The following CSMD1 variants were observed in gnomAD, a reference collection of about 807,000 sequenced individuals.
CSMD1 encodes CUB and Sushi multiple domains 1, also known as CUB and sushi domain-containing protein 1.
A neutral mutation model predicts 417.5 loss-of-function variants in CSMD1; 213 were observed. The observed-to-expected ratio is 0.51, with a 90% CI of 0.46 to 0.57. The LOEUF (loss-of-function observed/expected upper bound fraction) is 0.57. Ranked by LOEUF, CSMD1 falls within the 20% of genes least tolerant of loss-of-function variation. The pLI, the probability that CSMD1 is intolerant of heterozygous loss-of-function variation, is 0.00. For synonymous variants in CSMD1, 2,862 were observed against 1,736.8 expected, an observed-to-expected ratio of 1.65 and a Z score of -16.11; for missense variants, 6,923 against 4,529.7, an observed-to-expected ratio of 1.53 and a Z score of -15.17.
At chr8:4,662,052 G>C (rs888747344) in intron 1 of CSMD1, among the ~76,000 whole-genome samples, 6 of 152,146 alleles carry the variant, frequency 3.9e-5, no homozygotes, top group Admixed American at 1.3e-4. Context: ...TGATGTAACT[G>C]TGTTGAGACA....
chr8:4,524,057 GT>G (rs958638779), intron 2 of CSMD1, among the ~76,000 whole-genome samples: 1 of 151,956 alleles, frequency 6.6e-6, no homozygotes, highest in Non-Finnish European at 1.5e-5. Context: ...TCCTCCCTGT[GT>G]TTTTTAGAAT....
chr8:4,095,168 G>A (rs1000362040), intron 3 of CSMD1, among the ~76,000 whole-genome samples: 7 of 152,160 alleles, frequency 4.6e-5, no homozygotes, highest in Non-Finnish European at 4.4e-5. Flanking sequence ...AAGTTGTTGG[G>A]GACGGATAGC....
chr8:4,569,356 G>A (rs995779644), intron 2 of CSMD1, among the ~76,000 whole-genome samples: 4 of 152,068 alleles, frequency 2.6e-5, no homozygotes, highest in Non-Finnish European at 5.9e-5. Context: ...ACAGTTTTCT[G>A]CATATGGCTA....
chr8:3,027,605 A>G (rs1810029009), intron 51 of CSMD1, among the ~76,000 whole-genome samples: 1 of 152,258 alleles, frequency 6.6e-6, no homozygotes, highest in South Asian at 2.1e-4. Context: ...AAAGTGTGAT[A>G]GAACAGCTCG....
At chr8:3,120,823 G>A (rs1211774476) in intron 41 of CSMD1, among the ~76,000 whole-genome samples, 1 of 152,020 alleles carries the variant, frequency 6.6e-6, no homozygotes, top group African/African-American at 2.4e-5. Context: ...CTCCAGCCTG[G>A]CGACACAGTG....
At chr8:3,384,621 C>T (rs1387512701) in intron 18 of CSMD1, among the ~76,000 whole-genome samples, 4 of 143,058 alleles carry the variant, frequency 2.8e-5, no homozygotes, top group South Asian at 4.3e-4. Flanking sequence ...TAAATATTTG[C>T]AAATTGCTAT....
At chr8:4,404,163 A>C (rs975821661) in intron 3 of CSMD1, among the ~76,000 whole-genome samples, 10 of 151,894 alleles carry the variant, frequency 6.6e-5, no homozygotes, top group African/African-American at 1.9e-4. Flanking sequence ...TTTCCGGAAC[A>C]CTCTATTTAA....
At chr8:4,002,485 G>A (rs1051151391) in intron 4 of CSMD1, among the ~76,000 whole-genome samples, 2 of 152,102 alleles carry the variant, frequency 1.3e-5, no homozygotes, top group South Asian at 2.1e-4. Context: ...AAGCTCTACA[G>A]GATGATCAAT....
chr8:3,450,553 C>T (rs1585182686), intron 12 of CSMD1, among the ~76,000 whole-genome samples: 1 of 149,074 alleles, frequency 6.7e-6, no homozygotes, highest in Admixed American at 6.7e-5. Context: ...TCAATGAGAA[C>T]ATGCAGTGTT....
Position 3,181,114 on chromosome 8 carries a change from G to A in CSMD1, c.5721C>T (p.Tyr1907=), listed in dbSNP as rs140445328. Residue 1907 remains tyrosine (Y), a synonymous_variant, in exon 37 of 70, where the codon TAC becomes TAT. Coordinates refer to ENST00000635120, the MANE Select transcript of CSMD1 (RefSeq NM_033225.6). ...TACAGAAAGAGTTGACCTTACTTTTGTATTCCAGGTGGAAACCAGCAGCTG... is the reference window on the plus strand; with the variant it reads ...TACAGAAAGAGTTGACCTTACTTTTATATTCCAGGTGGAAACCAGCAGCTG... ...SVAAAGFHLE[Y]KTVGLAACQE... is the part of the protein sequence containing the mutation. The A allele has an allele frequency of 7.5e-6, 12 of 1,609,946 alleles. No individual in the cohort carries two copies. In the East Asian group the frequency reaches 2.2e-4, roughly 30 times the overall value.
intron 8 of CSMD1, among the ~76,000 whole-genome samples, chr8:3,600,846 T>C (rs188972041): frequency 3.3e-5 from 5 of 151,956 alleles, no homozygotes; most frequent in South Asian, 4.1e-4. Context: ...TGTTTTGCAA[T>C]ATTGCAAACA....
At chr8:3,954,517 C>T (rs1046867670) in intron 5 of CSMD1, among the ~76,000 whole-genome samples, 1 of 152,218 alleles carries the variant, frequency 6.6e-6, no homozygotes, top group Non-Finnish European at 1.5e-5. Flanking sequence ...CAGGCACCCA[C>T]CACCACTCCC....
chr8:3,886,953 A>C (rs1401051698), intron 5 of CSMD1, among the ~76,000 whole-genome samples: 1 of 152,314 alleles, frequency 6.6e-6, no homozygotes, highest in Non-Finnish European at 1.5e-5. Flanking sequence ...AGTGAAATGC[A>C]TGTCTTCAGA....
rs1801655400 is a variant in CSMD1, at chr8:2,938,630, A to G, written c.10650T>C (p.Ala3550=). The G allele has an allele frequency of 6.2e-7, 1 of 1,612,234 alleles. No individual in the cohort carries two copies. Among genetic ancestry groups the G allele is most frequent in the African/African-American group, 1.3e-5 (1 of 75,046 alleles). Residue 3550 remains alanine (A), a synonymous_variant, in exon 70 of 70, where the codon GCT becomes GCC. Coordinates refer to ENST00000635120, the MANE Select transcript of CSMD1 (RefSeq NM_033225.6). The part of the protein sequence containing the change: ...DTNLKPTEAK[A]VRFDTTLNTV... Reference sequence around the variant, plus strand: ...TGTTCAGAGTTGTGTCAAACCTCACAGCCTTGGCTTCTGTGGGTTTTAAGT... The same window carrying G: ...TGTTCAGAGTTGTGTCAAACCTCACGGCCTTGGCTTCTGTGGGTTTTAAGT...
chr8:4,920,891 GAAAAGAAAAGAAA>G (rs1806406244), intron 1 of CSMD1, among the ~76,000 whole-genome samples: 1 of 49,152 alleles, frequency 2.0e-5, no homozygotes, highest in African/African-American at 6.4e-5. Flanking sequence ...GAAAAGAAAA[GAAAAGAAAAGAAA>G]AGAAAAGAAA....
At position 4,930,298 on chromosome 8, in the gene CSMD1, C is replaced by G. The variant is rs192865773; in HGVS notation, c.85+64034G>C. Among the ~76,000 whole-genome samples, 15 of 152,194 alleles carry G rather than the reference C, an allele frequency of 9.9e-5. No individual in the cohort carries two copies. In the East Asian group the frequency reaches 2.9e-3, roughly 29 times the overall value. ...TTATTTCATGTAAAAGTGTCATATG[C>G]AATTGGTGTGATATTAACACCAATT... On this transcript the variant is annotated intron_variant, in intron 1 of 69. Coordinates refer to ENST00000635120, the MANE Select transcript of CSMD1 (RefSeq NM_033225.6).
chr8:4,366,055 A>G (rs1200517172), intron 3 of CSMD1, among the ~76,000 whole-genome samples: 1 of 152,074 alleles, frequency 6.6e-6, no homozygotes, highest in Non-Finnish European at 1.5e-5. Context: ...CCTGACAGAT[A>G]GCCTTCCAAT....
chr8:3,666,276 C>T (rs1207803264), intron 7 of CSMD1, among the ~76,000 whole-genome samples: 1 of 151,892 alleles, frequency 6.6e-6, no homozygotes, highest in African/African-American at 2.4e-5. Flanking sequence ...CTTATCTTTT[C>T]TTTAGTCTAT....
intron 6 of CSMD1, among the ~76,000 whole-genome samples, chr8:3,735,649 C>T (rs1470205952): frequency 2.0e-5 from 3 of 152,198 alleles, no homozygotes; most frequent in South Asian, 2.1e-4. Context: ...TGCCCTGGTT[C>T]ACTCGGCTGA....
Sources: allele counts gnomAD v4.1 joint callset (sites outside exome capture counted in the v4.1 genomes callset), GRCh38; gene constraint gnomAD v4.1.1; transcripts MANE v1.5; gene names NCBI Gene and HGNC (gene_info 2026-07-23, HGNC 2026-07-21).